RNF20: variants seen among roughly 807,000 people sequenced by gnomAD.
RNF20 encodes the protein E3 ubiquitin-protein ligase BRE1A.
RNF20 carries 84 observed loss-of-function variants against 126.2 expected under a neutral mutation model. The ratio of observed to expected loss-of-function variants is 0.67; its 90% confidence interval spans 0.56 to 0.80. RNF20 has a LOEUF of 0.80. Ranked by LOEUF, RNF20 falls within the 30% of genes least tolerant of loss-of-function variation. The probability of loss-of-function intolerance (pLI) is 0.00; values close to 1 mark genes in which losing one functional copy is unlikely to be tolerated. For missense variants in RNF20, 869 were observed against 1,188.2 expected, an observed-to-expected ratio of 0.73 and a Z score of 3.95; for synonymous variants, 400 against 414.3, an observed-to-expected ratio of 0.97 and a Z score of 0.42.
chr9:101,554,459 A>G (rs887425517), intron 14 of RNF20, among the ~76,000 whole-genome samples: 1 of 152,212 alleles, frequency 6.6e-6, no homozygotes, highest in African/African-American at 2.4e-5. Flanking sequence ...ACTATTCTAA[A>G]GAAAGTTACC....
chr9:101,561,905 C>T lies in RNF20; in HGVS notation c.2650-5C>T. ...GTGTCTAATGGGTATGCTATCCTGC[C>T]ACAGGAGGACATCTCTAGACTTCGC... On this transcript the variant is annotated splice_polypyrimidine_tract_variant and splice_region_variant and intron_variant, in intron 18 of 19. Transcript: ENST00000389120. 6.2e-7 allele frequency: 1 copy of T among 1,600,284 alleles called. No individual in the cohort carries two copies. The highest frequency in any genetic ancestry group is 8.6e-7 in the Non-Finnish European group (1 of 1,167,490).
At position 101,551,704 on chromosome 9, in the gene RNF20, T is replaced by G. The variant is rs1827449331; in HGVS notation, c.1293T>G (p.His431Gln). Residue 431 changes from histidine (H) to glutamine (Q), a missense_variant, in exon 11 of 20, where the codon CAT becomes CAG. Physicochemically the swap from His to Gln is conservative, Grantham distance 24. Coordinates refer to ENST00000389120, the MANE Select transcript of RNF20 (RefSeq NM_019592.7). ...ELIERDEVSL[H>Q]KKLRTEVIQL... ...TGTAGCGAGATGAGGTTAGTCTTCA[T>G]AAGAAGCTGAGGACTGAAGTAATTC... 2.5e-6 allele frequency: 4 copies of G among 1,610,058 alleles called. No homozygotes were observed. In the East Asian group the frequency reaches 8.9e-5, roughly 36 times the overall value.
At chr9:101,552,024 C>CTT in intron 11 of RNF20, 117 bp from the exon 12 acceptor site, 2 of 1,414,398 alleles carry the variant, frequency 1.4e-6, no homozygotes, top group Non-Finnish European at 1.9e-6. Flanking sequence ...GAGAAGGAAT[C>CTT]TTTTATTTGG....
chr9:101,561,252 T>G, intron 18 of RNF20, 22 bp downstream of exon 18: 2 of 1,612,210 alleles, frequency 1.2e-6, no homozygotes, highest in Non-Finnish European at 1.7e-6. Context: ...TGTCTTTTCT[T>G]GTCACCTTTT....
chr9:101,549,431 G>A lies in RNF20; in HGVS notation c.1093-1175G>A, dbSNP rs1236426537. On this transcript the variant is annotated intron_variant, in intron 9 of 19. Transcript: ENST00000389120. ...TTGCTACTGCTATCTAGAAGGCAGA[G>A]TCAGGTGTACAGGATGGAACATGAA... is the stretch of plus-strand genomic sequence containing the variant. 2.6e-5 allele frequency among the ~76,000 whole-genome samples: 4 copies of A among 152,190 alleles called. No individual in the cohort carries two copies. The East Asian group carries it at 7.7e-4, about 29-fold the overall frequency.
At chr9:101,552,864 A>C in intron 13 of RNF20, 111 bp downstream of exon 13, 1 of 1,112,998 alleles carries the variant, frequency 9.0e-7, no homozygotes, top group Non-Finnish European at 1.3e-6. Flanking sequence ...AATGTTTTAG[A>C]TTGTACAATT....
chr9:101,536,009 T>C (rs1327519445), intron 2 of RNF20, among the ~76,000 whole-genome samples: 1 of 152,210 alleles, frequency 6.6e-6, no homozygotes, highest in Non-Finnish European at 1.5e-5. Flanking sequence ...CCTGTTTTCT[T>C]GTCTGTAAAA....
intron 5 of RNF20, among the ~76,000 whole-genome samples, chr9:101,541,662 A>G (rs937885018): frequency 2.6e-5 from 4 of 152,020 alleles, no homozygotes; most frequent in African/African-American, 9.7e-5. Context: ...TAACAACTAT[A>G]TTATTTAATT....
At chr9:101,550,831 T>G in intron 10 of RNF20, 46 bp downstream of exon 10, 1 of 1,559,998 alleles carries the variant, frequency 6.4e-7, no homozygotes, top group Non-Finnish European at 8.8e-7. Flanking sequence ...TCTTGCCTCC[T>G]AAATTTTACA....
chr9:101,560,613 A>G (rs1827610282), intron 16 of RNF20, 188 bp from the exon 17 acceptor site: 1 of 439,720 alleles, frequency 2.3e-6, no homozygotes, highest in Admixed American at 4.1e-5. Context: ...CTTCCACAAT[A>G]TTTTATATTA....
chr9:101,560,812 G>C lies in RNF20; in HGVS notation c.2394G>C (p.Gln798His). 6.2e-7 allele frequency: 1 copy of C among 1,611,536 alleles called. No individual in the cohort carries two copies. The highest frequency in any genetic ancestry group is 2.2e-5 in the East Asian group (1 of 44,844). ...TTTTCTGTTCAAAGGTTGATGCCCA[G>C]CTACAGGTAGTAAGGAAACTGGAAG... ...VLTLKTQVDA[Q>H]LQVVRKLEEK... The change falls in exon 17 of 20, where the codon CAG becomes CAC. Residue 798 changes from glutamine (Q) to histidine (H), a missense_variant. Physicochemically the swap from Gln to His is conservative, Grantham distance 24. This residue lies in a region of RNF20 where 150 missense variants were observed against 173.7 expected (regional missense o/e 0.86). Coordinates refer to ENST00000389120, the MANE Select transcript of RNF20 (RefSeq NM_019592.7).
chr9:101,561,546 G>A, intron 18 of RNF20: 1 of 405,146 alleles, frequency 2.5e-6, no homozygotes, highest in South Asian at 3.0e-5. Flanking sequence ...CATGCTAGCT[G>A]TTTCTCATGA....
chr9:101,559,150 AT>A (rs1486312476), intron 16 of RNF20, among the ~76,000 whole-genome samples: 2 of 152,170 alleles, frequency 1.3e-5, no homozygotes, highest in African/African-American at 4.8e-5. Context: ...CATTTGTTGA[AT>A]AGGGTGTCCC....
At chr9:101,545,213 C>T (rs1040919002) in intron 6 of RNF20, among the ~76,000 whole-genome samples, 3 of 152,008 alleles carry the variant, frequency 2.0e-5, no homozygotes, top group African/African-American at 4.8e-5. Flanking sequence ...TAAACCATGC[C>T]AAGATTTGGA....
chr9:101,554,398 G>A (rs886746166), intron 14 of RNF20, among the ~76,000 whole-genome samples: 15 of 152,016 alleles, frequency 9.9e-5, no homozygotes, highest in Non-Finnish European at 2.9e-5. Context: ...CTTTTGGGAG[G>A]AATGTCTTAT....
intron 16 of RNF20, among the ~76,000 whole-genome samples, chr9:101,558,862 T>C (rs965902336): frequency 4.6e-5 from 7 of 152,198 alleles, no homozygotes; most frequent in Non-Finnish European, 1.0e-4. Context: ...CTGTTTACCC[T>C]GATGATTATT....
At chr9:101,541,746 A>G (rs1470461387) in intron 5 of RNF20, among the ~76,000 whole-genome samples, 1 of 152,210 alleles carries the variant, frequency 6.6e-6, no homozygotes, top group Non-Finnish European at 1.5e-5. Context: ...AATGTTTTTA[A>G]AAAGAGTTGG....
Position 101,554,785 on chromosome 9 carries a change from T to C in RNF20, c.2111T>C (p.Ile704Thr), listed in dbSNP as rs1827506590. 1 of 1,582,678 alleles carries C rather than the reference T, an allele frequency of 6.3e-7. No homozygotes were observed. Among genetic ancestry groups the C allele is most frequent in the African/African-American group, 1.4e-5 (1 of 73,638 alleles). ...KMADEDALRKIRAVEEQIEYL... is the reference protein window; with the variant it reads ...KMADEDALRKTRAVEEQIEYL... ...GCTGATGAGGATGCCTTGAGGAAGATCCGGGCAGTGGAGGAGCAGATAGAA... is the reference window on the plus strand; with the variant it reads ...GCTGATGAGGATGCCTTGAGGAAGACCCGGGCAGTGGAGGAGCAGATAGAA... Residue 704 changes from isoleucine to threonine, a missense_variant, in exon 15 of 20, where the codon ATC becomes ACC. Ile to Thr is a moderately conservative substitution (Grantham distance 89). This residue lies in a region of RNF20 where 231 missense variants were observed against 263.6 expected (regional missense o/e 0.88). Transcript: ENST00000389120.
chr9:101,534,169 C>G (rs1044372339), intron 1 of RNF20: 1 of 151,692 alleles, frequency 6.6e-6, no homozygotes, highest in African/African-American at 2.4e-5. Flanking sequence ...AGGTTGTTGC[C>G]AGCGATAGTC....
Sources: gnomAD v4.1 joint callset for allele counts (sites outside exome capture counted in the v4.1 genomes callset) on GRCh38, gnomAD v4.1.1 for gene constraint, gnomAD v4.1.1 regional missense constraint, MANE v1.5 for transcripts, NCBI Gene and HGNC (gene_info 2026-07-23, HGNC 2026-07-21) for gene names.